Variants in DOCK11 observed in about 807,000 individuals in gnomAD.
DOCK11 encodes dedicator of cytokinesis 11.
In DOCK11, 70 loss-of-function variants were observed where a neutral mutation model predicts 169.1. That is an observed-to-expected ratio of 0.41 (90% CI 0.34 to 0.51). The LOEUF (loss-of-function observed/expected upper bound fraction) is 0.51. DOCK11 is among the 20% of genes least tolerant of loss of function. The pLI, the probability that DOCK11 is intolerant of heterozygous loss-of-function variation, is 0.10. For synonymous variants in DOCK11, 529 were observed against 541.3 expected, an observed-to-expected ratio of 0.98 and a Z score of 0.32; for missense variants, 1,166 against 1,538.8, an observed-to-expected ratio of 0.76 and a Z score of 4.05.
At chrX:118,609,196 C>T (rs2014613886) in intron 26 of DOCK11, 82 bp from the exon 27 acceptor site, 1 of 670,500 alleles carries the variant, frequency 1.5e-6, no homozygotes, top group Admixed American at 3.1e-5. Context: ...AATTCAAAGA[C>T]AAGACCCATA....
chrX:118,514,967 G>A (rs751474976), intron 1 of DOCK11, among the ~76,000 whole-genome samples: 4 of 112,037 alleles, frequency 3.6e-5, no homozygotes, highest in South Asian at 3.7e-4. Flanking sequence ...GAGGCCAGAC[G>A]TCTGAAATAA....
intron 32 of DOCK11, among the ~76,000 whole-genome samples, chrX:118,625,743 C>G (rs1012785250): frequency 8.9e-6 from 1 of 111,816 alleles, no homozygotes; most frequent in Non-Finnish European, 1.9e-5. Flanking sequence ...TCTCCTTCAG[C>G]ACTTCTTGGT....
intron 1 of DOCK11, 47 bp from the exon 2 acceptor site, chrX:118,542,678 C>A: frequency 1.1e-6 from 1 of 934,743 alleles, no homozygotes; most frequent in Non-Finnish European, 1.5e-6. Context: ...AGTTATTTAA[C>A]TCTTGTGAGT....
intron 40 of DOCK11, among the ~76,000 whole-genome samples, chrX:118,646,075 AAC>A (rs747752989): frequency 0.038 from 3,855 of 101,271 alleles, 75 homozygotes; most frequent in Non-Finnish European, 0.062. Flanking sequence ...AAAAAAAAAA[AAC>A]ACAACAACAA....
intron 6 of DOCK11, among the ~76,000 whole-genome samples, chrX:118,560,563 A>G (rs1464122529): frequency 1.8e-5 from 2 of 112,105 alleles, no homozygotes; most frequent in Non-Finnish European, 3.8e-5. Flanking sequence ...ATTGCTTGAC[A>G]TAGCCTGCAG....
At chrX:118,683,294 C>G in intron 52 of DOCK11, 77 bp downstream of exon 52, 6 of 1,040,666 alleles carry the variant, frequency 5.8e-6, no homozygotes, top group Non-Finnish European at 6.5e-6. Context: ...TATAATGGTT[C>G]AAAATGCACA....
At chrX:118,640,644 C>T (rs763468489) in intron 38 of DOCK11, among the ~76,000 whole-genome samples, 9 of 112,359 alleles carry the variant, frequency 8.0e-5, no homozygotes, top group South Asian at 7.4e-4. Flanking sequence ...CTAGTTACAT[C>T]GCCAGAGTTC....
At chrX:118,608,806 G>A (rs941100514) in intron 26 of DOCK11, among the ~76,000 whole-genome samples, 6 of 111,413 alleles carry the variant, frequency 5.4e-5, no homozygotes, top group Non-Finnish European at 7.5e-5. Context: ...GTATCTTGGA[G>A]TATATCTGAT....
intron 1 of DOCK11, among the ~76,000 whole-genome samples, chrX:118,508,617 G>A (rs937086027): frequency 2.7e-5 from 3 of 110,938 alleles, no homozygotes; most frequent in African/African-American, 3.3e-5. Flanking sequence ...GAACTGAATC[G>A]TTATTTCAAA....
In DOCK11 at chrX:118,581,805, T is replaced by TAAAAAA. The variant is rs35095116; in HGVS notation, c.1595+1656_1595+1661dup. On this transcript the variant is annotated intron_variant, in intron 14 of 52. Coordinates refer to ENST00000276202, the MANE Select transcript of DOCK11 (RefSeq NM_144658.4). ...GGCGACAGAGCGAGACTCCGTCTCC[T>TAAAAAA]AAAAAAAAAAAAAAAAAAAAAAAAA... Among the ~76,000 whole-genome samples, 41 of 12,742 alleles carry TAAAAAA rather than the reference T, an allele frequency of 3.2e-3. 4 individuals carry two copies. The highest frequency in any genetic ancestry group is 7.6e-3 in the African/African-American group (23 of 3,012). The allele number at this position is 12,742 out of a possible 115,157, so 11.1% of individuals were successfully genotyped here. A position where few individuals can be genotyped will look rare whatever the true frequency, so the allele number is the denominator to read the frequency against.
At chrX:118,632,872 G>A (rs1359698642) in intron 35 of DOCK11, 1 of 106,688 alleles carries the variant, frequency 9.4e-6, no homozygotes, top group Non-Finnish European at 1.9e-5. Context: ...TAAGAGTCAG[G>A]AGTTACCAGT....
chrX:118,643,785 A>G (rs1197481016), intron 40 of DOCK11, among the ~76,000 whole-genome samples, 191 bp downstream of exon 40: 1 of 111,840 alleles, frequency 8.9e-6, no homozygotes, highest in African/African-American at 3.2e-5. Context: ...TCAAATCAGA[A>G]GCTACTTTTT....
intron 29 of DOCK11, among the ~76,000 whole-genome samples, 187 bp from the exon 30 acceptor site, chrX:118,615,413 C>T (rs760231029): frequency 1.6e-3 from 178 of 112,361 alleles, no homozygotes; most frequent in African/African-American, 5.5e-3. Flanking sequence ...TGCCAGCCAA[C>T]AAGCAGGCCT....
chrX:118,597,937 C>A, intron 21 of DOCK11, 93 bp from the exon 22 acceptor site: 1 of 638,286 alleles, frequency 1.6e-6, no homozygotes, highest in Non-Finnish European at 2.3e-6. Flanking sequence ...TTAATACATT[C>A]ATTTCTGAAA....
chrX:118,660,558 G>A (rs975336271), intron 44 of DOCK11, among the ~76,000 whole-genome samples: 14 of 109,937 alleles, frequency 1.3e-4, no homozygotes, highest in African/African-American at 3.3e-4. Context: ...TCCACCTCCC[G>A]GGTTCACGCC....
At chrX:118,674,910 A>T (rs1166427073) in intron 46 of DOCK11, among the ~76,000 whole-genome samples, 1 of 111,821 alleles carries the variant, frequency 8.9e-6, no homozygotes, top group Non-Finnish European at 1.9e-5. Context: ...CTTGGTTTGC[A>T]TTTCCTTAAT....
intron 4 of DOCK11, among the ~76,000 whole-genome samples, chrX:118,544,109 T>A (rs1221394571): frequency 8.9e-6 from 1 of 112,599 alleles, no homozygotes; most frequent in African/African-American, 3.2e-5. Flanking sequence ...GCTCACTTTT[T>A]GGCTTTAGTG....
chrX:118,510,365 T>G (rs7058463), intron 1 of DOCK11, among the ~76,000 whole-genome samples: 13,976 of 112,024 alleles, frequency 0.12, 651 homozygotes, highest in Middle Eastern at 0.19. Flanking sequence ...AATACAGGTC[T>G]GCAGTCTGCA....
intron 1 of DOCK11, among the ~76,000 whole-genome samples, chrX:118,527,216 T>G (rs1257553784): frequency 2.7e-5 from 3 of 112,627 alleles, no homozygotes; most frequent in Non-Finnish European, 5.6e-5. Context: ...CTTCTACTGG[T>G]TTTATTGTGT....
Sources: allele counts gnomAD v4.1 joint callset (sites outside exome capture counted in the v4.1 genomes callset), GRCh38; gene constraint gnomAD v4.1.1; transcripts MANE v1.5; gene names NCBI Gene and HGNC (gene_info 2026-07-23, HGNC 2026-07-21).